The following CLMP variants were observed in gnomAD, a reference collection of about 807,000 sequenced individuals.
CLMP encodes CXADR-like membrane protein.
A neutral mutation model predicts 45.2 loss-of-function variants in CLMP; 27 were observed. The observed-to-expected ratio is 0.60, with a 90% CI of 0.44 to 0.82. The LOEUF is 0.82. Among genes scored for constraint, CLMP ranks in the 40% least tolerant of loss-of-function variants. CLMP has a pLI of 0.00. For missense variants in CLMP, 403 were observed against 448.4 expected, an observed-to-expected ratio of 0.90 and a Z score of 0.91; for synonymous variants, 167 against 171.4, an observed-to-expected ratio of 0.97 and a Z score of 0.20.
At chr11:123,146,863 C>T (rs1027260159) in intron 1 of CLMP, among the ~76,000 whole-genome samples, 4 of 152,164 alleles carry the variant, frequency 2.6e-5, no homozygotes, top group Admixed American at 6.5e-5. Context: ...TCAAATTCAG[C>T]GCTGTGCCTC....
At chr11:123,094,229 C>T (rs1591454916) in intron 2 of CLMP, among the ~76,000 whole-genome samples, 1 of 152,144 alleles carries the variant, frequency 6.6e-6, no homozygotes, top group Admixed American at 6.5e-5. Context: ...ACCTTAGCCT[C>T]ATAAGTGGCT....
chr11:123,104,811 G>A lies in CLMP; in HGVS notation c.29-6859C>T, dbSNP rs147798838. Among the ~76,000 whole-genome samples, 660 of 152,304 alleles carry A rather than the reference G, an allele frequency of 4.3e-3. 4 individuals carry two copies. Among genetic ancestry groups the A allele is most frequent in the Middle Eastern group, 6.8e-3 (2 of 294 alleles). ...CTAGCCTTGGATTGCGTGGGCACTG[G>A]AAGATTCATCTTTGTTAGGAAAGAC... On this transcript the variant is annotated intron_variant, in intron 1 of 6. Coordinates refer to ENST00000448775, the MANE Select transcript of CLMP (RefSeq NM_024769.5).
At chr11:123,098,817 G>A (rs1001947267) in intron 1 of CLMP, among the ~76,000 whole-genome samples, 2 of 148,718 alleles carry the variant, frequency 1.3e-5, no homozygotes, top group Non-Finnish European at 3.0e-5. Flanking sequence ...AGCGATTCTC[G>A]TGCCTCAGCC....
At chr11:123,122,961 T>C (rs1243520875) in intron 1 of CLMP, among the ~76,000 whole-genome samples, 2 of 152,154 alleles carry the variant, frequency 1.3e-5, no homozygotes, top group African/African-American at 4.8e-5. Flanking sequence ...TCATGTCCAA[T>C]AGAAACGAAG....
intron 1 of CLMP, among the ~76,000 whole-genome samples, chr11:123,180,809 G>A (rs533618242): frequency 8.5e-5 from 13 of 152,238 alleles, no homozygotes; most frequent in African/African-American, 3.1e-4. Flanking sequence ...CTGGGCAAGG[G>A]AAAAACAAGC....
intron 1 of CLMP, among the ~76,000 whole-genome samples, chr11:123,171,186 G>T (rs1410581277): frequency 1.3e-5 from 2 of 152,076 alleles, no homozygotes; most frequent in Non-Finnish European, 2.9e-5. Flanking sequence ...GTAGAGGGAA[G>T]AACAAGCATG....
At chr11:123,130,768 A>G (rs1860974243) in intron 1 of CLMP, among the ~76,000 whole-genome samples, 1 of 152,168 alleles carries the variant, frequency 6.6e-6, no homozygotes, top group Non-Finnish European at 1.5e-5. Flanking sequence ...AGCTGCTTCT[A>G]AACACCGTCA....
At chr11:123,133,236 T>C (rs1861017998) in intron 1 of CLMP, among the ~76,000 whole-genome samples, 1 of 152,134 alleles carries the variant, frequency 6.6e-6, no homozygotes, top group Non-Finnish European at 1.5e-5. Flanking sequence ...GAAGTTCACA[T>C]GAACACAGAC....
intron 1 of CLMP, among the ~76,000 whole-genome samples, chr11:123,150,519 GGAA>G (rs1331755652): frequency 4.1e-5 from 5 of 122,764 alleles, no homozygotes; most frequent in African/African-American, 1.3e-4. Flanking sequence ...AAGGAAGGAA[GGAA>G]GGAAGGAAAG....
intron 1 of CLMP, among the ~76,000 whole-genome samples, chr11:123,122,530 C>T (rs1013562444): frequency 1.9e-4 from 29 of 152,122 alleles, no homozygotes; most frequent in Non-Finnish European, 3.7e-4. Context: ...GTGGGATACA[C>T]GGTGGCCACA....
In CLMP at chr11:123,170,754, T is replaced by C. The variant is rs75598614; in HGVS notation, c.28+24159A>G. ...CCACGCCCAGCCGAAGCCTGCTTTT[T>C]CTTGCTGCTGTGAGGCATGAAGATC... On this transcript the variant is annotated intron_variant, in intron 1 of 6. Transcript: ENST00000448775. Among the ~76,000 whole-genome samples, 25 of 152,316 alleles carry C rather than the reference T, an allele frequency of 1.6e-4. No homozygotes were observed. The East Asian group carries it at 2.9e-3, about 18-fold the overall frequency.
At chr11:123,170,780 A>G (rs1274237204) in intron 1 of CLMP, among the ~76,000 whole-genome samples, 4 of 152,146 alleles carry the variant, frequency 2.6e-5, no homozygotes, top group African/African-American at 9.7e-5. Flanking sequence ...CATGAAGATC[A>G]GCTCGTTGTC....
intron 1 of CLMP, among the ~76,000 whole-genome samples, chr11:123,166,296 G>A (rs916491125): frequency 4.6e-5 from 7 of 152,084 alleles, no homozygotes; most frequent in African/African-American, 1.7e-4. Context: ...TATCTCTTTC[G>A]CCAAGCCCCA....
intron 1 of CLMP, among the ~76,000 whole-genome samples, chr11:123,112,589 C>T (rs1860654962): frequency 6.6e-6 from 1 of 152,076 alleles, no homozygotes; most frequent in Non-Finnish European, 1.5e-5. Flanking sequence ...CCCCCCACCT[C>T]GGCCTCCCAA....
intron 1 of CLMP, among the ~76,000 whole-genome samples, chr11:123,162,397 C>T (rs1861497736): frequency 6.6e-6 from 1 of 152,144 alleles, no homozygotes; most frequent in Admixed American, 6.5e-5. Flanking sequence ...AATGTTAAAA[C>T]ACATCCAAAA....
intron 1 of CLMP, among the ~76,000 whole-genome samples, chr11:123,166,471 C>A (rs533064243): frequency 6.6e-6 from 1 of 152,244 alleles, no homozygotes; most frequent in Admixed American, 6.5e-5. Context: ...TCCTCCCTAA[C>A]CACAGACAGC....
chr11:123,087,770 A>G (rs11218968), intron 2 of CLMP, among the ~76,000 whole-genome samples: 15,662 of 149,262 alleles, frequency 0.1, 1,319 homozygotes, highest in African/African-American at 0.22. Context: ...CCAGTGAGCC[A>G]AGATCATGCC....
chr11:123,175,179 A>G (rs1861682557), intron 1 of CLMP, among the ~76,000 whole-genome samples: 1 of 152,214 alleles, frequency 6.6e-6, no homozygotes, highest in South Asian at 2.1e-4. Flanking sequence ...ACTGCTATAA[A>G]GAACTTCCCT....
chr11:123,122,809 CCT>C (rs1475110040), intron 1 of CLMP, among the ~76,000 whole-genome samples: 1 of 152,142 alleles, frequency 6.6e-6, no homozygotes, highest in Non-Finnish European at 1.5e-5. Context: ...TCTCTTCCTC[CCT>C]GTCTTCCCTC....
Sources: gnomAD v4.1 joint callset for allele counts (sites outside exome capture counted in the v4.1 genomes callset) on GRCh38, gnomAD v4.1.1 for gene constraint, MANE v1.5 for transcripts, NCBI Gene and HGNC (gene_info 2026-07-23, HGNC 2026-07-21) for gene names.